Variants in COL22A1 observed in about 807,000 individuals in gnomAD.
The protein encoded by COL22A1 is collagen alpha-1(XXII) chain.
In COL22A1, 221 loss-of-function variants were observed where a neutral mutation model predicts 248.9. That is an observed-to-expected ratio of 0.89 (90% confidence interval 0.80 to 0.99). The LOEUF (loss-of-function observed/expected upper bound fraction) is 0.99. Among genes scored for constraint, COL22A1 ranks in the 50% least tolerant of loss-of-function variants. The probability of loss-of-function intolerance (pLI) is 0.00; values close to 1 mark genes in which losing one functional copy is unlikely to be tolerated. For synonymous variants in COL22A1, 891 were observed against 793.4 expected (o/e 1.12, Z -2.07); for missense variants, 2,240 against 2,179.0 (o/e 1.03, Z -0.56).
intron 30 of COL22A1, among the ~76,000 whole-genome samples, chr8:138,708,741 A>T (rs1307832877): frequency 1.3e-5 from 2 of 152,194 alleles, no homozygotes; most frequent in Non-Finnish European, 2.9e-5. Context: ...GGACTTCATG[A>T]CTAAAACACC....
intron 1 of COL22A1, among the ~76,000 whole-genome samples, chr8:138,889,470 A>T (rs985337029): frequency 2.0e-5 from 3 of 152,316 alleles, no homozygotes; most frequent in African/African-American, 4.8e-5. Context: ...AGGACAAAAA[A>T]CCAAACACCG....
At chr8:138,844,354 C>T (rs971348584) in intron 3 of COL22A1, among the ~76,000 whole-genome samples, 196 bp from the exon 4 acceptor site, 2 of 152,378 alleles carry the variant, frequency 1.3e-5, no homozygotes, top group East Asian at 3.9e-4. Context: ...TAAGCATCAA[C>T]TCTGCAAATA....
chr8:138,716,103 A>G, intron 29 of COL22A1, 124 bp downstream of exon 29: 1 of 748,900 alleles, frequency 1.3e-6, no homozygotes, highest in Non-Finnish European at 2.2e-6. Context: ...ATCAACACTG[A>G]GAAATACACT....
intron 22 of COL22A1, among the ~76,000 whole-genome samples, chr8:138,745,810 GT>G (rs1832056255): frequency 6.6e-6 from 1 of 152,114 alleles, no homozygotes; most frequent in Non-Finnish European, 1.5e-5. Context: ...GCCAGGCTGG[GT>G]CTTCCGCCAA....
intron 24 of COL22A1, among the ~76,000 whole-genome samples, chr8:138,724,872 C>T (rs1003034333): frequency 5.3e-5 from 8 of 152,208 alleles, no homozygotes; most frequent in South Asian, 2.1e-4. Flanking sequence ...GGCCTGCAGT[C>T]GGGGCGTCCT....
chr8:138,785,522 G>A (rs765165075), intron 12 of COL22A1, among the ~76,000 whole-genome samples: 57 of 152,294 alleles, frequency 3.7e-4, no homozygotes, highest in Non-Finnish European at 4.7e-4. Context: ...GGGGTGACTC[G>A]CCTGAGATGT....
intron 47 of COL22A1, among the ~76,000 whole-genome samples, chr8:138,644,482 T>C (rs1468107602): frequency 2.0e-5 from 3 of 151,282 alleles, no homozygotes; most frequent in African/African-American, 4.9e-5. Context: ...CAACCAACTG[T>C]ACAGACCCCC....
chr8:138,707,580 TCAA>T (rs970884910), intron 30 of COL22A1, among the ~76,000 whole-genome samples: 57 of 152,292 alleles, frequency 3.7e-4, no homozygotes, highest in Middle Eastern at 3.4e-3. Flanking sequence ...TTGACAAAAT[TCAA>T]CAACGCTTCA....
chr8:138,883,717 CA>C, intron 1 of COL22A1, among the ~76,000 whole-genome samples: 1 of 151,458 alleles, frequency 6.6e-6, no homozygotes, highest in African/African-American at 2.4e-5. Context: ...TGCTCTCTCA[CA>C]TATTCGCTCT....
At chr8:138,725,581 A>G in intron 23 of COL22A1, 141 bp from the exon 24 acceptor site, 2 of 725,494 alleles carry the variant, frequency 2.8e-6, no homozygotes, top group Non-Finnish European at 4.4e-6. Flanking sequence ...CTGATTTTTC[A>G]AACAAAAATA....
chr8:138,614,055 T>G, intron 55 of COL22A1, 135 bp from the exon 56 acceptor site: 1 of 725,210 alleles, frequency 1.4e-6, no homozygotes, highest in South Asian at 1.7e-5. Context: ...GTTTCATCAT[T>G]AATTGTCCAT....
At chr8:138,799,055 C>G (rs1199908074) in intron 11 of COL22A1, among the ~76,000 whole-genome samples, 1 of 152,164 alleles carries the variant, frequency 6.6e-6, no homozygotes, top group Non-Finnish European at 1.5e-5. Context: ...CAGATTACAT[C>G]ATCTCTACTG....
Position 138,693,653 on chromosome 8 carries a change from C to T in COL22A1, c.2747G>A (p.Gly916Glu). ...CCGATCATAGGGACTCACGGGGTTT[C>T]CAGCTGCTCCAGGAGCCCCATGTGC... is the stretch of plus-strand genomic sequence containing the variant. Reference protein sequence around the residue: ...EGAHGAPGAAGNPGAPGHVGA... With the variant: ...EGAHGAPGAAENPGAPGHVGA... Residue 916 changes from glycine (G) to glutamate (E), a missense_variant, in exon 35 of 65, where the codon GGA becomes GAA. Gly to Glu is a moderately conservative substitution (Grantham distance 98). Transcript: ENST00000303045. 3 of 1,585,066 alleles carry T rather than the reference C, an allele frequency of 1.9e-6. No individual in the cohort carries two copies. The highest frequency in any genetic ancestry group is 1.7e-6 in the Non-Finnish European group (2 of 1,165,582).
intron 41 of COL22A1, among the ~76,000 whole-genome samples, chr8:138,665,053 G>C (rs1335766126): frequency 1.3e-5 from 2 of 152,170 alleles, no homozygotes; most frequent in Admixed American, 1.3e-4. Flanking sequence ...GCAGTATAGT[G>C]TCAGGGGTAA....
At chr8:138,604,876 A>T (rs2131847440) in intron 58 of COL22A1, 107 bp from the exon 59 acceptor site, 2 of 1,000,576 alleles carry the variant, frequency 2.0e-6, no homozygotes, top group South Asian at 2.8e-5. Context: ...TCCAGCAAAG[A>T]CAACAATCGA....
chr8:138,900,537 G>A (rs1245618599), intron 1 of COL22A1, among the ~76,000 whole-genome samples: 1 of 152,170 alleles, frequency 6.6e-6, no homozygotes, highest in Non-Finnish European at 1.5e-5. Flanking sequence ...TTAAGAAGAG[G>A]CTGCATGCCA....
chr8:138,660,478 A>C lies in COL22A1; in HGVS notation c.3243T>G (p.Gly1081=). ...CTCTTTCTCCTGGATTTCCTGGTGC[A>C]CCCTAAGAGAAGAAGGAAATAAAAC... The part of the protein sequence containing the change: ...PGPQGPAGRD[G]APGNPGERGP... Residue 1081 remains glycine, a splice_region_variant and synonymous_variant, in exon 44 of 65, where the codon GGT becomes GGG. Coordinates refer to ENST00000303045, the MANE Select transcript of COL22A1 (RefSeq NM_152888.3). 6.2e-7 allele frequency: 1 copy of C among 1,613,498 alleles called. No individual in the cohort carries two copies.
chr8:138,790,318 C>A (rs1815917408), intron 12 of COL22A1, among the ~76,000 whole-genome samples: 1 of 152,166 alleles, frequency 6.6e-6, no homozygotes, highest in African/African-American at 2.4e-5. Flanking sequence ...AAAGGCTCCA[C>A]CCTCATGACC....
intron 40 of COL22A1, among the ~76,000 whole-genome samples, chr8:138,679,094 T>G (rs1251067477): frequency 6.6e-6 from 1 of 152,098 alleles, no homozygotes; most frequent in African/African-American, 2.4e-5. Flanking sequence ...TTTTTGACAT[T>G]TTTTATAGGG....
Sources: allele counts gnomAD v4.1 joint callset (sites outside exome capture counted in the v4.1 genomes callset), GRCh38; gene constraint gnomAD v4.1.1; transcripts MANE v1.5; gene names NCBI Gene and HGNC (gene_info 2026-07-23, HGNC 2026-07-21).